The following GRIA1 variants were observed in gnomAD, a reference collection of about 807,000 sequenced individuals.
GRIA1 encodes the protein glutamate receptor 1.
A neutral mutation model predicts 99.2 loss-of-function variants in GRIA1; 31 were observed. The observed-to-expected ratio is 0.31, with a 90% CI of 0.23 to 0.42. The LOEUF (loss-of-function observed/expected upper bound fraction) is 0.42, where lower values mean the gene tolerates loss of function less well. GRIA1 is among the 10% of genes least tolerant of loss of function. The pLI, the probability that GRIA1 is intolerant of heterozygous loss-of-function variation, is 1.00. For synonymous variants in GRIA1, 438 were observed against 432.4 expected (o/e 1.01, Z -0.16); for missense variants, 782 against 1,157.5 (o/e 0.68, Z 4.71).
intron 5 of GRIA1, among the ~76,000 whole-genome samples, chr5:153,657,215 C>A (rs1434803457): frequency 6.6e-6 from 1 of 152,180 alleles, no homozygotes; most frequent in African/African-American, 2.4e-5. Flanking sequence ...CATGGAATTA[C>A]TGGGTTATAT....
chr5:153,563,588 T>C (rs1330641930), intron 2 of GRIA1, among the ~76,000 whole-genome samples: 1 of 152,232 alleles, frequency 6.6e-6, no homozygotes, highest in East Asian at 1.9e-4. Context: ...TGTTCTCTGC[T>C]GCTTCCACCT....
At chr5:153,738,068 G>C (rs1275208861) in intron 11 of GRIA1, among the ~76,000 whole-genome samples, 1 of 152,160 alleles carries the variant, frequency 6.6e-6, no homozygotes, top group African/African-American at 2.4e-5. Context: ...CAGCTCCCCA[G>C]GAACAGCGAC....
chr5:153,560,304 G>T (rs1561642226), intron 2 of GRIA1, among the ~76,000 whole-genome samples: 1 of 152,096 alleles, frequency 6.6e-6, no homozygotes, highest in Non-Finnish European at 1.5e-5. Context: ...TATGGACTTA[G>T]GTTTCTAAAT....
At chr5:153,754,955 A>G (rs1032562920) in intron 11 of GRIA1, among the ~76,000 whole-genome samples, 2 of 152,234 alleles carry the variant, frequency 1.3e-5, no homozygotes, top group Non-Finnish European at 2.9e-5. Flanking sequence ...TCTGAGTCTT[A>G]CGGCTGAATA....
At position 153,659,030 on chromosome 5, in the gene GRIA1, C is replaced by A. The variant is rs7728380; in HGVS notation, c.699+3158C>A. The stretch of plus-strand genomic sequence containing the variant: ...AAACCTTGTTTTTTGTCCAGATGCC[C>A]CTTTTAGCTGGCTCTGTATTCTTGG... On this transcript the variant is annotated intron_variant, in intron 5 of 15. Transcript: ENST00000285900. 9.5e-3 allele frequency among the ~76,000 whole-genome samples: 1,452 copies of A among 152,118 alleles called. 19 individuals are homozygous for A. Among genetic ancestry groups the A allele is most frequent in the African/African-American group, 0.033 (1,358 of 41,496 alleles).
chr5:153,785,146 G>A (rs552723546), intron 13 of GRIA1, among the ~76,000 whole-genome samples: 1 of 152,288 alleles, frequency 6.6e-6, no homozygotes, highest in South Asian at 2.1e-4. Flanking sequence ...AGGAAAAGGT[G>A]AACTGGATCT....
chr5:153,749,370 T>A (rs1581592028), intron 11 of GRIA1, among the ~76,000 whole-genome samples: 1 of 152,076 alleles, frequency 6.6e-6, no homozygotes, highest in East Asian at 1.9e-4. Flanking sequence ...CCTGGCTGGG[T>A]AATTTATAAA....
At chr5:153,570,190 G>A (rs144587764) in intron 2 of GRIA1, among the ~76,000 whole-genome samples, 130 of 152,218 alleles carry the variant, frequency 8.5e-4, no homozygotes, top group African/African-American at 3.0e-3. Flanking sequence ...CTCTATCCCC[G>A]AGATGCATTG....
chr5:153,652,752 T>C (rs1394633455), intron 4 of GRIA1, among the ~76,000 whole-genome samples: 1 of 152,226 alleles, frequency 6.6e-6, no homozygotes, highest in Non-Finnish European at 1.5e-5. Context: ...CACTTGATTC[T>C]TTGCTTATGC....
chr5:153,592,564 A>G (rs1581282358), intron 2 of GRIA1, among the ~76,000 whole-genome samples: 1 of 152,242 alleles, frequency 6.6e-6, no homozygotes, highest in African/African-American at 2.4e-5. Flanking sequence ...TTACAAAATC[A>G]AATGTTACTT....
intron 2 of GRIA1, among the ~76,000 whole-genome samples, chr5:153,586,336 T>C (rs1561665265): frequency 6.6e-6 from 1 of 152,224 alleles, no homozygotes; most frequent in Non-Finnish European, 1.5e-5. Flanking sequence ...TGAATGAGAA[T>C]TCTCACAATA....
intron 2 of GRIA1, among the ~76,000 whole-genome samples, chr5:153,567,980 A>C (rs1761796018): frequency 1.3e-5 from 2 of 152,164 alleles, no homozygotes; most frequent in Admixed American, 1.3e-4. Flanking sequence ...ATAGGAAATA[A>C]GCTGTAGATT....
chr5:153,600,435 T>C (rs1226823691), intron 2 of GRIA1, among the ~76,000 whole-genome samples: 4 of 36,056 alleles, frequency 1.1e-4, no homozygotes, highest in East Asian at 8.1e-4. Context: ...TTTGTAAGGA[T>C]AGGTTTCAAT....
At chr5:153,679,035 C>A (rs916261045) in intron 7 of GRIA1, among the ~76,000 whole-genome samples, 1 of 152,196 alleles carries the variant, frequency 6.6e-6, no homozygotes, top group Non-Finnish European at 1.5e-5. Flanking sequence ...TAGCACACTG[C>A]TTCTGCCCTC....
intron 2 of GRIA1, among the ~76,000 whole-genome samples, chr5:153,536,871 C>T (rs1330812885): frequency 6.6e-6 from 1 of 152,174 alleles, no homozygotes; most frequent in Non-Finnish European, 1.5e-5. Flanking sequence ...TTCGTTGAGA[C>T]AGGTCATCTT....
In GRIA1 at chr5:153,674,533, G is replaced by A. The variant is rs780461979; in HGVS notation, c.733G>A (p.Glu245Lys). 2.5e-6 allele frequency: 4 copies of A among 1,614,114 alleles called. No homozygotes were observed. Among genetic ancestry groups the A allele is most frequent in the Non-Finnish European group, 2.5e-6 (3 of 1,179,982 alleles). Residue 245 changes from glutamate to lysine, a missense_variant, in exon 6 of 16, where the codon GAG becomes AAG. This residue lies in a region of GRIA1 where 461 missense variants were observed against 521.7 expected (regional missense o/e 0.88). Coordinates refer to ENST00000285900, the MANE Select transcript of GRIA1 (RefSeq NM_000827.4). ...GGACATTGACTTAAACAAATTCAAG[G>A]AGAGTGGCGCCAATGTGACAGGTTT... ...FMDIDLNKFKESGANVTGFQL... is the reference protein window; with the variant it reads ...FMDIDLNKFKKSGANVTGFQL...
chr5:153,689,011 C>A (rs1365132073), intron 8 of GRIA1, among the ~76,000 whole-genome samples: 2 of 151,758 alleles, frequency 1.3e-5, no homozygotes, highest in Non-Finnish European at 2.9e-5. Context: ...TGAGCCACCG[C>A]CCCCAGGCTT....
At chr5:153,627,566 A>G (rs1445862507) in intron 2 of GRIA1, among the ~76,000 whole-genome samples, 1 of 148,646 alleles carries the variant, frequency 6.7e-6, no homozygotes, top group Non-Finnish European at 1.5e-5. Flanking sequence ...CACTAACTCC[A>G]GAGTAAAAGA....
At position 153,699,004 on chromosome 5, in the gene GRIA1, T is replaced by C. The variant is rs1182361048; in HGVS notation, c.1383T>C (p.Asp461=). 6.2e-7 allele frequency: 1 copy of C among 1,613,804 alleles called. No individual in the cohort carries two copies. The highest frequency in any genetic ancestry group is 1.7e-5 in the Admixed American group (1 of 59,992). The change falls in exon 10 of 16, where the codon GAT becomes GAC. Residue 461 remains aspartate, a synonymous_variant. Coordinates refer to ENST00000285900, the MANE Select transcript of GRIA1 (RefSeq NM_000827.4). Reference sequence around the variant, plus strand: ...CCTACCGTCTGGAGATTGTCAGTGATGGAAAATACGGAGCCCGAGACCCTG... The same window carrying C: ...CCTACCGTCTGGAGATTGTCAGTGACGGAAAATACGGAGCCCGAGACCCTG... ...GYSYRLEIVS[D]GKYGARDPDT...
Sources: gnomAD v4.1 joint callset for allele counts (sites outside exome capture counted in the v4.1 genomes callset) on GRCh38, gnomAD v4.1.1 for gene constraint, gnomAD v4.1.1 regional missense constraint, MANE v1.5 for transcripts, NCBI Gene and HGNC (gene_info 2026-07-23, HGNC 2026-07-21) for gene names.